PIP5K1B: variants seen among roughly 807,000 people sequenced by gnomAD.
The protein encoded by PIP5K1B is phosphatidylinositol 4-phosphate 5-kinase type-1 beta.
A neutral mutation model predicts 67.0 loss-of-function variants in PIP5K1B; 42 were observed. That is an observed-to-expected ratio of 0.63 (90% CI 0.49 to 0.81). PIP5K1B has a LOEUF of 0.81. Ranked by LOEUF, PIP5K1B falls within the 30% of genes least tolerant of loss-of-function variation. The pLI is 0.00. For synonymous variants in PIP5K1B, 214 were observed against 231.4 expected, an observed-to-expected ratio of 0.92 and a Z score of 0.68; for missense variants, 459 against 646.3, an observed-to-expected ratio of 0.71 and a Z score of 3.14.
At chr9:68,741,853 G>A (rs1419320210) in intron 1 of PIP5K1B, among the ~76,000 whole-genome samples, 1 of 152,022 alleles carries the variant, frequency 6.6e-6, no homozygotes, top group Non-Finnish European at 1.5e-5. Flanking sequence ...TCCTTATCAC[G>A]TATTACTAAT....
At chr9:68,751,079 A>C (rs946557664) in intron 2 of PIP5K1B, among the ~76,000 whole-genome samples, 2 of 152,154 alleles carry the variant, frequency 1.3e-5, no homozygotes, top group Non-Finnish European at 2.9e-5. Context: ...CATTATTGGC[A>C]ATGCGGTCTC....
intron 6 of PIP5K1B, among the ~76,000 whole-genome samples, chr9:68,884,291 A>G (rs1293277828): frequency 6.6e-6 from 1 of 151,768 alleles, no homozygotes; most frequent in South Asian, 2.1e-4. Context: ...AACTCAAACT[A>G]CTCAATAACA....
chr9:68,927,796 C>A (rs902818101), intron 12 of PIP5K1B, among the ~76,000 whole-genome samples: 1 of 151,918 alleles, frequency 6.6e-6, no homozygotes, highest in Admixed American at 6.6e-5. Flanking sequence ...TTGCTGGTGT[C>A]TTTGGTGTGA....
intron 1 of PIP5K1B, among the ~76,000 whole-genome samples, chr9:68,713,229 T>C (rs1386720044): frequency 6.6e-6 from 1 of 152,110 alleles, no homozygotes; most frequent in African/African-American, 2.4e-5. Context: ...TGAAACCACA[T>C]CTCTACCAAA....
intron 1 of PIP5K1B, among the ~76,000 whole-genome samples, chr9:68,727,922 T>C (rs926375668): frequency 6.6e-6 from 1 of 152,194 alleles, no homozygotes; most frequent in Non-Finnish European, 1.5e-5. Context: ...CTTTAGTTCA[T>C]TCATGATTCA....
Position 68,738,968 on chromosome 9 carries a change from C to T in PIP5K1B, c.-242-3533C>T, listed in dbSNP as rs570954356. Among the ~76,000 whole-genome samples, 17 of 152,248 alleles carry T rather than the reference C, an allele frequency of 1.1e-4. No homozygotes were observed. In the East Asian group the frequency reaches 1.7e-3, roughly 16 times the overall value. On this transcript the variant is annotated intron_variant, in intron 1 of 15. Transcript: ENST00000265382. ...GATGAGCCTATACCCTCTTCTTCAC[C>T]GGCCAAAAAAGTTCTCCATGGCTTT...
At chr9:68,763,405 T>C (rs2132396395) in intron 2 of PIP5K1B, among the ~76,000 whole-genome samples, 1 of 152,226 alleles carries the variant, frequency 6.6e-6, no homozygotes, top group Non-Finnish European at 1.5e-5. Flanking sequence ...TTGTGAGTTT[T>C]AAATGAGATA....
At chr9:68,994,017 C>A (rs991945361) in intron 15 of PIP5K1B, among the ~76,000 whole-genome samples, 24 of 140,744 alleles carry the variant, frequency 1.7e-4, no homozygotes, top group Non-Finnish European at 3.3e-4. Context: ...TTGTAAAATT[C>A]TTTCACTGTT....
In PIP5K1B at chr9:68,915,413, G is replaced by T. The variant is rs562400264; in HGVS notation, c.772-2135G>T. Among the ~76,000 whole-genome samples the T allele has an allele frequency of 1.2e-3, 189 of 152,296 alleles. 1 individual carries two copies. Among genetic ancestry groups the T allele is most frequent in the African/African-American group, 4.5e-3 (187 of 41,560 alleles). On this transcript the variant is annotated intron_variant, in intron 8 of 15. Transcript: ENST00000265382. ...CTTCTACCACTTGTTTCTGTCTGAA[G>T]AAAGCATCTAATATCTGTTAGTGTT...
intron 4 of PIP5K1B, among the ~76,000 whole-genome samples, chr9:68,833,320 C>T (rs1050833291): frequency 6.6e-6 from 1 of 152,188 alleles, no homozygotes; most frequent in African/African-American, 2.4e-5. Context: ...TAAGAGTGGA[C>T]GAAAGAGTGT....
intron 15 of PIP5K1B, among the ~76,000 whole-genome samples, chr9:69,007,929 T>A (rs902669412): frequency 6.6e-6 from 1 of 152,178 alleles, no homozygotes; most frequent in Non-Finnish European, 1.5e-5. Flanking sequence ...ATAATATTGC[T>A]TTCCCCACAT....
At chr9:68,943,801 T>G (rs1331514418) in intron 14 of PIP5K1B, among the ~76,000 whole-genome samples, 1 of 152,266 alleles carries the variant, frequency 6.6e-6, no homozygotes, top group Non-Finnish European at 1.5e-5. Context: ...TATGTATCTG[T>G]GCTAAAATAA....
chr9:68,972,142 C>A (rs950735022), intron 14 of PIP5K1B, among the ~76,000 whole-genome samples: 2 of 152,142 alleles, frequency 1.3e-5, no homozygotes, highest in African/African-American at 4.8e-5. Flanking sequence ...AATCTTTAGT[C>A]CATCTTGAGT....
chr9:68,896,215 G>C (rs1825073752), intron 8 of PIP5K1B, among the ~76,000 whole-genome samples: 1 of 152,108 alleles, frequency 6.6e-6, no homozygotes, highest in African/African-American at 2.4e-5. Context: ...TGGGTAAAAA[G>C]TGACTCTCAA....
At chr9:68,951,070 A>G (rs769407617) in intron 14 of PIP5K1B, among the ~76,000 whole-genome samples, 46 of 152,220 alleles carry the variant, frequency 3.0e-4, no homozygotes, top group Non-Finnish European at 4.3e-4. Context: ...GAACTAGGAG[A>G]CAATGTTAAA....
chr9:68,978,273 T>C (rs947108539), intron 14 of PIP5K1B, among the ~76,000 whole-genome samples: 5 of 152,192 alleles, frequency 3.3e-5, no homozygotes, highest in African/African-American at 1.2e-4. Flanking sequence ...GGCCAACACC[T>C]CCTCACTTCC....
chr9:68,736,155 A>T (rs1389014234), intron 1 of PIP5K1B, among the ~76,000 whole-genome samples: 2 of 152,102 alleles, frequency 1.3e-5, no homozygotes, highest in Non-Finnish European at 2.9e-5. Context: ...TTTTTCTTTG[A>T]GGAGAGAGGA....
At chr9:68,930,926 T>C (rs1204527640) in intron 12 of PIP5K1B, among the ~76,000 whole-genome samples, 5 of 152,166 alleles carry the variant, frequency 3.3e-5, no homozygotes, top group Non-Finnish European at 5.9e-5. Flanking sequence ...CACCACCATT[T>C]CAAAGGGTAA....
At chr9:68,765,323 T>C (rs1186004042) in intron 2 of PIP5K1B, among the ~76,000 whole-genome samples, 1 of 152,122 alleles carries the variant, frequency 6.6e-6, no homozygotes, top group Non-Finnish European at 1.5e-5. Flanking sequence ...AACTGTGTCA[T>C]AAAATATTTA....
Sources: gnomAD v4.1 joint callset for allele counts (sites outside exome capture counted in the v4.1 genomes callset) on GRCh38, gnomAD v4.1.1 for gene constraint, MANE v1.5 for transcripts, NCBI Gene and HGNC (gene_info 2026-07-23, HGNC 2026-07-21) for gene names.